The following ANKRD28 variants were observed in gnomAD, a reference collection of about 807,000 sequenced individuals.
The protein encoded by ANKRD28 is serine/threonine-protein phosphatase 6 regulatory ankyrin repeat subunit A.
A neutral mutation model predicts 126.5 loss-of-function variants in ANKRD28; 44 were observed. That is an observed-to-expected ratio of 0.35 (90% CI 0.27 to 0.45). ANKRD28 has a LOEUF of 0.45. ANKRD28 is among the 20% of genes least tolerant of loss of function. The pLI, the probability that ANKRD28 is intolerant of heterozygous loss-of-function variation, is 1.00. For synonymous variants in ANKRD28, 442 were observed against 468.5 expected (o/e 0.94, Z 0.73); for missense variants, 1,110 against 1,316.6 (o/e 0.84, Z 2.43).
chr3:15,679,974 G>C (rs1575111556), intron 21 of ANKRD28, among the ~76,000 whole-genome samples: 1 of 152,106 alleles, frequency 6.6e-6, no homozygotes, highest in Non-Finnish European at 1.5e-5. Flanking sequence ...AAGTATAGCA[G>C]AGAATGTGCA....
At chr3:15,703,420 G>A (rs2070904236) in intron 14 of ANKRD28, among the ~76,000 whole-genome samples, 1 of 152,230 alleles carries the variant, frequency 6.6e-6, no homozygotes, top group Non-Finnish European at 1.5e-5. Flanking sequence ...GGGGCCTTTA[G>A]GAGGTGATTA....
chr3:15,672,581 T>TG (rs1315380231), intron 27 of ANKRD28, among the ~76,000 whole-genome samples: 2 of 152,212 alleles, frequency 1.3e-5, no homozygotes, highest in African/African-American at 2.4e-5. Flanking sequence ...TCAAAGTAGC[T>TG]GGGGGAGTGC....
chr3:15,743,002 T>C (rs1385589813), intron 4 of ANKRD28, among the ~76,000 whole-genome samples: 7 of 151,900 alleles, frequency 4.6e-5, no homozygotes, highest in Admixed American at 3.3e-4. Flanking sequence ...GAGGTAGACA[T>C]GGGAGACTTT....
chr3:15,846,697 A>C lies in ANKRD28; in HGVS notation c.27+12680T>G, dbSNP rs1011145972. 6.6e-6 allele frequency among the ~76,000 whole-genome samples: 1 copy of C among 152,212 alleles called. No individual in the cohort carries two copies. The highest frequency in any genetic ancestry group is 2.4e-5 in the African/African-American group (1 of 41,444). ...TAGGTTATTTTTATTTCATGCTCAC[A>C]TAAAGTCAAAAAATCTATGTTAATG... is the stretch of plus-strand genomic sequence containing the variant. On this transcript the variant is annotated intron_variant, in intron 1 of 27. Coordinates refer to the ANKRD28 transcript ENST00000399451. The surrounding 1 kb of genome is among the most constrained non-coding windows in gnomAD (Gnocchi z 5.4).
chr3:15,858,888 T>G (rs2061833213), intron 1 of ANKRD28, among the ~76,000 whole-genome samples: 1 of 152,128 alleles, frequency 6.6e-6, no homozygotes, highest in African/African-American at 2.4e-5. Context: ...AGAAAACAAG[T>G]CTGGAAACTT....
chr3:15,743,539 CTTT>C, intron 4 of ANKRD28, among the ~76,000 whole-genome samples: 1 of 140,882 alleles, frequency 7.1e-6, no homozygotes, highest in East Asian at 2.1e-4. Context: ...TGCAGTGTGG[CTTT>C]TTAACACACA....
At chr3:15,818,223 AT>A (rs2060873056) in intron 1 of ANKRD28, among the ~76,000 whole-genome samples, 1 of 152,128 alleles carries the variant, frequency 6.6e-6, no homozygotes, top group Admixed American at 6.5e-5. Context: ...TATATATACT[AT>A]GTTTTGTCCG....
intron 8 of ANKRD28, among the ~76,000 whole-genome samples, chr3:15,717,817 A>AT (rs2073250107): frequency 6.6e-6 from 1 of 152,184 alleles, no homozygotes. Context: ...AACCTGATTC[A>AT]TTTTACCTCT....
intron 1 of ANKRD28, among the ~76,000 whole-genome samples, chr3:15,803,284 G>A (rs761516346): frequency 6.6e-5 from 10 of 152,156 alleles, no homozygotes; most frequent in East Asian, 1.9e-4. Flanking sequence ...CAGAGTGGGT[G>A]ATCTGAATTA....
At chr3:15,688,812 T>C (rs912188654) in intron 18 of ANKRD28, among the ~76,000 whole-genome samples, 6 of 152,252 alleles carry the variant, frequency 3.9e-5, no homozygotes, top group African/African-American at 1.4e-4. Context: ...ACGTATCTGC[T>C]ACATCATAAT....
chr3:15,723,340 T>C lies in ANKRD28; in HGVS notation c.783+1042A>G, dbSNP rs370257482. Among the ~76,000 whole-genome samples, 17 of 152,346 alleles carry C rather than the reference T, an allele frequency of 1.1e-4. No homozygotes were observed. In the East Asian group the frequency reaches 1.2e-3, roughly 10 times the overall value. On this transcript the variant is annotated intron_variant, in intron 7 of 27. Transcript: ENST00000683139. Reference sequence around the variant, plus strand: ...TGTCCAACCAGGCTATCACCTACTTTTCTTAGTTTTTTGTAGCTGATCTAA... The same window carrying C: ...TGTCCAACCAGGCTATCACCTACTTCTCTTAGTTTTTTGTAGCTGATCTAA...
At chr3:15,730,815 C>T (rs1187586594) in intron 6 of ANKRD28, among the ~76,000 whole-genome samples, 1 of 152,150 alleles carries the variant, frequency 6.6e-6, no homozygotes, top group Non-Finnish European at 1.5e-5. Flanking sequence ...AATGTGTCCT[C>T]CGAAGTTCAT....
chr3:15,713,758 A>C (rs1261361047), intron 9 of ANKRD28, 117 bp from the exon 10 acceptor site: 1 of 539,334 alleles, frequency 1.9e-6, no homozygotes, highest in African/African-American at 2.0e-5. Context: ...CAGCAATTTT[A>C]ACTAGATTTC....
At chr3:15,756,968 C>T (rs2058194040) in intron 3 of ANKRD28, among the ~76,000 whole-genome samples, 1 of 152,172 alleles carries the variant, frequency 6.6e-6, no homozygotes, top group Admixed American at 6.5e-5. Context: ...GTTCAAACTG[C>T]ATGAGTCCAC....
intron 1 of ANKRD28, among the ~76,000 whole-genome samples, chr3:15,813,824 C>T (rs572312414): frequency 6.6e-6 from 1 of 152,284 alleles, no homozygotes; most frequent in Non-Finnish European, 1.5e-5. Flanking sequence ...GTGTGCAGCA[C>T]AATCATTTAA....
chr3:15,671,823 G>C (rs957980401), intron 27 of ANKRD28, among the ~76,000 whole-genome samples: 4 of 151,934 alleles, frequency 2.6e-5, no homozygotes, highest in Non-Finnish European at 5.9e-5. Flanking sequence ...GGCCTCAAGT[G>C]ATCTGCCTGC....
At position 15,845,961 on chromosome 3, in the gene ANKRD28, G is replaced by C. The variant is rs1163862217; in HGVS notation, c.27+13416C>G. Among the ~76,000 whole-genome samples, 1 of 152,106 alleles carries C rather than the reference G, an allele frequency of 6.6e-6. No homozygotes were observed. The highest frequency in any genetic ancestry group is 1.5e-5 in the Non-Finnish European group (1 of 68,022). ...TAGCATCTCACCAGTCCCCTCCTCT[G>C]ACACATGGAGATTACAATTTGAGAA... On this transcript the variant is annotated intron_variant, in intron 1 of 27. Transcript: ENST00000399451. This position sits in a 1 kb window ranked among gnomAD's most constrained non-coding sequence, Gnocchi z 4.9.
intron 11 of ANKRD28, 74 bp from the exon 12 acceptor site, chr3:15,711,348 A>C: frequency 7.8e-7 from 1 of 1,289,552 alleles, no homozygotes; most frequent in Non-Finnish European, 1.1e-6. Flanking sequence ...TGAAACATCA[A>C]GAATCACATC....
At chr3:15,674,364 T>G (rs1299285002) in intron 27 of ANKRD28, among the ~76,000 whole-genome samples, 1 of 142,064 alleles carries the variant, frequency 7.0e-6, no homozygotes, top group Non-Finnish European at 1.5e-5. Context: ...GTGAGAGGAA[T>G]CAAGGATGAC....
Sources: allele counts gnomAD v4.1 joint callset (sites outside exome capture counted in the v4.1 genomes callset), GRCh38; gene constraint gnomAD v4.1.1; non-coding constraint Gnocchi (gnomAD v3.1); transcripts MANE v1.5; gene names NCBI Gene and HGNC (gene_info 2026-07-23, HGNC 2026-07-21).